TEX14: variants seen among roughly 807,000 people sequenced by gnomAD.
The protein encoded by TEX14 is testis expressed 14, intercellular bridge forming factor.
A neutral mutation model predicts 178.6 loss-of-function variants in TEX14; 168 were observed. The observed-to-expected ratio is 0.94, with a 90% CI of 0.83 to 1.07. The LOEUF (loss-of-function observed/expected upper bound fraction) is 1.07. TEX14 is among the 50% of genes least tolerant of loss of function. The pLI is 0.00. For missense variants in TEX14, 1,730 were observed against 1,753.6 expected, an observed-to-expected ratio of 0.99 and a Z score of 0.24; for synonymous variants, 626 against 634.1, an observed-to-expected ratio of 0.99 and a Z score of 0.19.
chr17:58,559,970 A>G (rs2044240315), intron 29 of TEX14, among the ~76,000 whole-genome samples: 1 of 152,178 alleles, frequency 6.6e-6, no homozygotes, highest in Admixed American at 6.5e-5. Flanking sequence ...CAAAACCATC[A>G]TTTATTTTAT....
At chr17:58,586,800 C>T (rs1003059831) in intron 17 of TEX14, among the ~76,000 whole-genome samples, 1 of 151,472 alleles carries the variant, frequency 6.6e-6, no homozygotes, top group Non-Finnish European at 1.5e-5. Flanking sequence ...GCATGTTCTC[C>T]CCGCATCTGC....
At chr17:58,635,574 C>T (rs2144594742) in intron 2 of TEX14, among the ~76,000 whole-genome samples, 1 of 152,190 alleles carries the variant, frequency 6.6e-6, no homozygotes, top group Admixed American at 6.6e-5. Flanking sequence ...CAATTACAGG[C>T]ACGCACAACC....
rs569027705 is a variant in TEX14, at chr17:58,596,632, C to T, written c.2469+2244G>A. Among the ~76,000 whole-genome samples the T allele has an allele frequency of 2.4e-4, 37 of 152,016 alleles. 1 individual carries two copies. In the South Asian group the frequency reaches 7.5e-3, roughly 31 times the overall value. On this transcript the variant is annotated intron_variant, in intron 14 of 31. Transcript: ENST00000349033. ...GGGCATGGTGGCTCTTGCCTGTAATCCCACACTTTTGGAGGCCAAGGCGGG... is the reference window on the plus strand; with the variant it reads ...GGGCATGGTGGCTCTTGCCTGTAATTCCACACTTTTGGAGGCCAAGGCGGG...
chr17:58,609,958 G>A (rs969263942), intron 10 of TEX14, among the ~76,000 whole-genome samples: 3 of 152,220 alleles, frequency 2.0e-5, no homozygotes, highest in Non-Finnish European at 4.4e-5. Context: ...AAGGGTAAGA[G>A]GAAGTAGGTG....
chr17:58,659,629 T>C (rs999263112), intron 1 of TEX14, among the ~76,000 whole-genome samples: 2 of 152,224 alleles, frequency 1.3e-5, no homozygotes, highest in East Asian at 3.8e-4. Context: ...GAAATCGCAT[T>C]GTGTGATAAG....
intron 1 of TEX14, among the ~76,000 whole-genome samples, chr17:58,664,675 T>C (rs2047176848): frequency 6.6e-6 from 1 of 152,208 alleles, no homozygotes; most frequent in South Asian, 2.1e-4. Flanking sequence ...GAAGGGCCCA[T>C]ACTTTTGCCT....
intron 20 of TEX14, among the ~76,000 whole-genome samples, chr17:58,578,335 T>G (rs1453503615): frequency 6.6e-6 from 1 of 151,988 alleles, no homozygotes; most frequent in African/African-American, 2.4e-5. Context: ...TTAGAGACTT[T>G]AGAGTCCGAC....
At chr17:58,601,204 C>T (rs1016917273) in intron 13 of TEX14, among the ~76,000 whole-genome samples, 4 of 151,226 alleles carry the variant, frequency 2.6e-5, no homozygotes, top group African/African-American at 4.9e-5. Context: ...TGGGCAACAT[C>T]GTGAGACCTT....
intron 2 of TEX14, among the ~76,000 whole-genome samples, chr17:58,651,476 G>A (rs1027085239): frequency 9.2e-5 from 14 of 152,184 alleles, no homozygotes; most frequent in African/African-American, 3.1e-4. Context: ...AAGGCACCAA[G>A]TGGAAATAAG....
chr17:58,618,562 C>T (rs17222621), intron 5 of TEX14, among the ~76,000 whole-genome samples: 28,182 of 152,204 alleles, frequency 0.19, 2,788 homozygotes, highest in Non-Finnish European at 0.21. Flanking sequence ...TCAGTTAATG[C>T]TTGCCAGTTG....
chr17:58,642,324 A>G (rs2046593959), intron 2 of TEX14, among the ~76,000 whole-genome samples: 1 of 152,184 alleles, frequency 6.6e-6, no homozygotes, highest in South Asian at 2.1e-4. Flanking sequence ...TGTGACCATC[A>G]GGTTGTAAAG....
chr17:58,663,420 C>T (rs1179910937), intron 1 of TEX14, among the ~76,000 whole-genome samples: 1 of 127,630 alleles, frequency 7.8e-6, no homozygotes, highest in Admixed American at 7.9e-5. Flanking sequence ...AAAACTCCGT[C>T]TCAAAAAAAA....
At chr17:58,571,260 G>A (rs1396429701) in intron 24 of TEX14, among the ~76,000 whole-genome samples, 2 of 122,854 alleles carry the variant, frequency 1.6e-5, no homozygotes, top group Non-Finnish European at 3.2e-5. Context: ...TTTGGAGACA[G>A]GGTCTCACTC....
chr17:58,590,534 T>G (rs1041122574), intron 15 of TEX14, among the ~76,000 whole-genome samples: 3 of 149,328 alleles, frequency 2.0e-5, no homozygotes, highest in Admixed American at 6.7e-5. Context: ...TCCAACTATT[T>G]TTGTTGTTGT....
chr17:58,606,944 G>A (rs1377492243), intron 10 of TEX14, among the ~76,000 whole-genome samples: 1 of 144,136 alleles, frequency 6.9e-6, no homozygotes, highest in African/African-American at 2.6e-5. Flanking sequence ...AGAATTGCTT[G>A]AATCCGGGAG....
chr17:58,671,607 A>G (rs1276655324), intron 1 of TEX14, among the ~76,000 whole-genome samples: 3 of 152,132 alleles, frequency 2.0e-5, no homozygotes, highest in African/African-American at 7.2e-5. Context: ...AGCCAGCCCC[A>G]GAGCTTCTAA....
rs2046610623 is a variant in TEX14, at chr17:58,643,031, T to G, written c.136+8835A>C. 3.9e-5 allele frequency among the ~76,000 whole-genome samples: 6 copies of G among 152,212 alleles called. No individual in the cohort carries two copies. In the South Asian group the frequency reaches 1.2e-3, roughly 32 times the overall value. On this transcript the variant is annotated intron_variant, in intron 2 of 31. Transcript: ENST00000349033. ...AGCTCTTTAAAAGCAGAAACATGTC[T>G]TATTTATCTCTGTATCTCCAGCACA... is the stretch of plus-strand genomic sequence containing the variant.
chr17:58,678,759 C>CA (rs1478249538), intron 1 of TEX14, among the ~76,000 whole-genome samples: 4 of 150,958 alleles, frequency 2.6e-5, no homozygotes, highest in Non-Finnish European at 4.4e-5. Flanking sequence ...ACCAACATGG[C>CA]ACATGTATAC....
At chr17:58,573,909 C>T (rs2044604151) in intron 22 of TEX14, among the ~76,000 whole-genome samples, 1 of 152,064 alleles carries the variant, frequency 6.6e-6, no homozygotes. Flanking sequence ...TTCCATATTT[C>T]CAGGATATTT....
Sources: gnomAD v4.1 joint callset for allele counts (sites outside exome capture counted in the v4.1 genomes callset) on GRCh38, gnomAD v4.1.1 for gene constraint, MANE v1.5 for transcripts, NCBI Gene and HGNC (gene_info 2026-07-23, HGNC 2026-07-21) for gene names.